PLA2R1: variants seen among roughly 807,000 people sequenced by gnomAD.
PLA2R1 encodes the protein phospholipase A2 receptor 1.
In PLA2R1, 158 loss-of-function variants were observed where a neutral mutation model predicts 195.9. The observed-to-expected ratio is 0.81, with a 90% CI of 0.71 to 0.92. The LOEUF (loss-of-function observed/expected upper bound fraction) is 0.92, where lower values mean the gene tolerates loss of function less well. PLA2R1 is among the 40% of genes least tolerant of loss of function. PLA2R1 has a pLI of 0.00. For missense variants in PLA2R1, 1,626 were observed against 1,764.6 expected, an observed-to-expected ratio of 0.92 and a Z score of 1.41; for synonymous variants, 586 against 598.2, an observed-to-expected ratio of 0.98 and a Z score of 0.30.
At position 159,933,382 on chromosome 2, in the gene PLA2R1, C is replaced by T. The variant is rs1376798968; in HGVS notation, c.*8396G>A. The T allele has an allele frequency of 6.6e-6, 1 of 152,070 alleles. No homozygotes were observed. Among genetic ancestry groups the T allele is most frequent in the East Asian group, 1.9e-4 (1 of 5,198 alleles). 9.4% of individuals were successfully genotyped at this position (152,070 alleles called of 1,614,324 possible). A position where few individuals can be genotyped will look rare whatever the true frequency, so the allele number is the denominator to read the frequency against. ...CTTTTTCTCTAAAAATATTCTGACCCCAAGCTAAAAACTTGCTTTCTAACT... is the reference window on the plus strand; with the variant it reads ...CTTTTTCTCTAAAAATATTCTGACCTCAAGCTAAAAACTTGCTTTCTAACT... On this transcript the variant is annotated 3_prime_UTR_variant, in exon 30 of 30. Coordinates refer to ENST00000283243, the MANE Select transcript of PLA2R1 (RefSeq NM_007366.5).
intron 28 of PLA2R1, among the ~76,000 whole-genome samples, chr2:159,942,682 G>C (rs190296455): frequency 1.1e-4 from 16 of 152,176 alleles, no homozygotes; most frequent in African/African-American, 3.9e-4. Flanking sequence ...TGGGGAATGA[G>C]CAACAGCTTC....
At chr2:160,036,938 C>G (rs544179339) in intron 3 of PLA2R1, among the ~76,000 whole-genome samples, 1 of 152,158 alleles carries the variant, frequency 6.6e-6, no homozygotes, top group African/African-American at 2.4e-5. Context: ...CTTTGTTATA[C>G]CATTGTAGTG....
chr2:160,001,554 G>C (rs1691597538), intron 11 of PLA2R1, among the ~76,000 whole-genome samples: 1 of 151,926 alleles, frequency 6.6e-6, no homozygotes, highest in Admixed American at 6.6e-5. Context: ...GTTATATGCT[G>C]TTTATAAGTG....
At chr2:159,953,219 T>C (rs1279146652) in intron 23 of PLA2R1, among the ~76,000 whole-genome samples, 1 of 152,260 alleles carries the variant, frequency 6.6e-6, no homozygotes, top group Non-Finnish European at 1.5e-5. Flanking sequence ...AGCATGGTTT[T>C]GCCACCCATT....
At chr2:159,925,862 G>T in the PLA2R1 span, among the ~76,000 whole-genome samples, 211 of 152,256 alleles carry the variant, frequency 1.4e-3, no homozygotes, top group African/African-American at 4.9e-3. Context: ...TTTAGTGCTT[G>T]TCTCTCCCTT....
chr2:159,924,546 A>G, the PLA2R1 span, among the ~76,000 whole-genome samples: 1 of 152,182 alleles, frequency 6.6e-6, no homozygotes, highest in Non-Finnish European at 1.5e-5. Context: ...GATGTCAAAT[A>G]TCAAGTACGA....
At chr2:160,007,149 G>A (rs1692040556) in intron 10 of PLA2R1, among the ~76,000 whole-genome samples, 1 of 152,144 alleles carries the variant, frequency 6.6e-6, no homozygotes, top group Admixed American at 6.5e-5. Flanking sequence ...ATATAAATGT[G>A]CTTCAAAAGG....
intron 23 of PLA2R1, among the ~76,000 whole-genome samples, chr2:159,953,433 G>A (rs2125934972): frequency 6.6e-6 from 1 of 152,374 alleles, no homozygotes; most frequent in East Asian, 1.9e-4. Flanking sequence ...AATAACTAGT[G>A]TAGTTGAACA....
chr2:159,964,456 T>C (rs1026509897), intron 20 of PLA2R1, among the ~76,000 whole-genome samples: 2 of 152,222 alleles, frequency 1.3e-5, no homozygotes, highest in African/African-American at 4.8e-5. Context: ...AAAGACTTAG[T>C]AACACTCAGT....
At chr2:160,011,870 C>T (rs1445965923) in intron 10 of PLA2R1, among the ~76,000 whole-genome samples, 1 of 152,112 alleles carries the variant, frequency 6.6e-6, no homozygotes, top group Non-Finnish European at 1.5e-5. Flanking sequence ...TGCTATATTT[C>T]AACGGGAGGA....
chr2:159,947,356 T>C (rs148589172), intron 26 of PLA2R1, 63 bp downstream of exon 26: 4 of 1,369,670 alleles, frequency 2.9e-6, no homozygotes, highest in African/African-American at 3.0e-5. Context: ...GAAATCCACA[T>C]TGTTTACTGA....
At chr2:160,049,367 A>ACATT (rs1420375669) in intron 1 of PLA2R1, among the ~76,000 whole-genome samples, 6 of 152,198 alleles carry the variant, frequency 3.9e-5, no homozygotes, top group African/African-American at 1.4e-4. Flanking sequence ...TGCATATGGA[A>ACATT]CATTCATTCA....
intron 1 of PLA2R1, among the ~76,000 whole-genome samples, chr2:160,060,402 T>G (rs1695874960): frequency 6.6e-6 from 1 of 152,206 alleles, no homozygotes; most frequent in Non-Finnish European, 1.5e-5. Context: ...CCATTTTGTA[T>G]TGACAGTAAA....
At chr2:159,931,644 C>T (rs1383015841), downstream of PLA2R1, among the ~76,000 whole-genome samples, 1 of 152,172 alleles carries the variant, frequency 6.6e-6, no homozygotes, top group Non-Finnish European at 1.5e-5. Context: ...ATCTCAATCT[C>T]CCCCGGCTCA....
chr2:159,956,728 A>C, intron 20 of PLA2R1, 101 bp from the exon 21 acceptor site: 1 of 726,856 alleles, frequency 1.4e-6, no homozygotes, highest in Non-Finnish European at 2.4e-6. Flanking sequence ...AATTCTTTAT[A>C]ATTTTCTTGG....
Position 159,970,281 on chromosome 2 carries a change from TTGC to T in PLA2R1, c.2596-72_2596-70del. The T allele has an allele frequency of 3.0e-6, 3 of 1,015,368 alleles. No individual in the cohort carries two copies. In the South Asian group the frequency reaches 4.3e-5, roughly 14 times the overall value. 62.9% of individuals were successfully genotyped at this position (1,015,368 alleles called of 1,614,324 possible). The stretch of plus-strand genomic sequence containing the variant: ...TTTTTCACTATTAAGAGTAATGGGG[TTGC>T]TGCTAATAGCTTTCTATTCTTCAGT... On this transcript the variant is annotated intron_variant, in intron 17 of 29. Coordinates refer to ENST00000283243, the MANE Select transcript of PLA2R1 (RefSeq NM_007366.5).
intron 20 of PLA2R1, among the ~76,000 whole-genome samples, chr2:159,966,474 G>C (rs1688797477): frequency 6.6e-6 from 1 of 152,162 alleles, no homozygotes; most frequent in Non-Finnish European, 1.5e-5. Flanking sequence ...GACAGTGTGA[G>C]TATGTGATAC....
chr2:159,969,822 T>A (rs1689035911), intron 18 of PLA2R1, among the ~76,000 whole-genome samples: 1 of 152,142 alleles, frequency 6.6e-6, no homozygotes, highest in African/African-American at 2.4e-5. Context: ...GGATTACAGG[T>A]GTGAACCACC....
At chr2:160,049,531 A>C (rs570760520) in intron 1 of PLA2R1, among the ~76,000 whole-genome samples, 2 of 152,318 alleles carry the variant, frequency 1.3e-5, no homozygotes, top group East Asian at 3.9e-4. Flanking sequence ...AAAAGAAGGG[A>C]GTTCCATCAG....
Sources: gnomAD v4.1 joint callset for allele counts (sites outside exome capture counted in the v4.1 genomes callset) on GRCh38, gnomAD v4.1.1 for gene constraint, MANE v1.5 for transcripts, NCBI Gene and HGNC (gene_info 2026-07-23, HGNC 2026-07-21) for gene names.